Variants in KAZN observed in about 807,000 individuals in gnomAD.
The protein encoded by KAZN is kazrin, periplakin interacting protein.
In KAZN, 40 loss-of-function variants were observed where a neutral mutation model predicts 87.4. The observed-to-expected ratio is 0.46, with a 90% CI of 0.36 to 0.60. The LOEUF (loss-of-function observed/expected upper bound fraction) is 0.60, where lower values mean the gene tolerates loss of function less well. Ranked by LOEUF, KAZN falls within the 20% of genes least tolerant of loss-of-function variation. The pLI is 0.00. For synonymous variants in KAZN, 466 were observed against 458.3 expected (o/e 1.02, Z -0.22); for missense variants, 898 against 1,073.9 (o/e 0.84, Z 2.29).
intron 1 of KAZN, chr1:14,924,314 C>A: frequency 3.0e-6 from 3 of 985,778 alleles, no homozygotes; most frequent in Non-Finnish European, 3.6e-6. Flanking sequence ...CCGGCGCGCG[C>A]CGTCGGAGCC....
intron 2 of KAZN, among the ~76,000 whole-genome samples, chr1:14,425,368 C>A (rs1665663175): frequency 6.6e-6 from 1 of 152,176 alleles, no homozygotes; most frequent in Non-Finnish European, 1.5e-5. Flanking sequence ...CTTGCCACCC[C>A]AGAAGCCAGC....
intron 2 of KAZN, among the ~76,000 whole-genome samples, chr1:14,315,665 T>C (rs994040063): frequency 2.0e-5 from 3 of 152,216 alleles, no homozygotes; most frequent in Admixed American, 6.6e-5. Flanking sequence ...TGTCCTCTTT[T>C]GTGTTTGGAG....
chr1:14,237,921 A>G (rs967600927), intron 2 of KAZN, among the ~76,000 whole-genome samples: 2 of 152,218 alleles, frequency 1.3e-5, no homozygotes, highest in African/African-American at 4.8e-5. Context: ...TTCTTCTTCC[A>G]ATTTATAAAA....
At chr1:14,209,846 A>G (rs752204627) in intron 2 of KAZN, among the ~76,000 whole-genome samples, 7 of 152,160 alleles carry the variant, frequency 4.6e-5, no homozygotes, top group African/African-American at 7.2e-5. Context: ...GGACATCAGC[A>G]TACAGCCAGG....
rs575424062 is a variant in KAZN, at chr1:14,415,734, T to C, written c.250-183249T>C. 1.4e-3 allele frequency among the ~76,000 whole-genome samples: 218 copies of C among 152,280 alleles called. 3 individuals are homozygous for C. The highest frequency in any genetic ancestry group is 5.2e-3 in the African/African-American group (218 of 41,552). On this transcript the variant is annotated intron_variant, in intron 2 of 16. Coordinates refer to the KAZN transcript ENST00000636203. ...CCATGGCAGCAGGTGTAGTAGTAAG[T>C]AGGACATTTTGCCTTCCCTTCCCTT...
intron 10 of KAZN, among the ~76,000 whole-genome samples, chr1:15,100,812 G>T (rs1641025796): frequency 6.6e-6 from 1 of 152,262 alleles, no homozygotes; most frequent in Non-Finnish European, 1.5e-5. Context: ...GAGGACGGCA[G>T]CTTTGCCTTC....
At chr1:14,437,267 G>A (rs1324432134) in intron 2 of KAZN, among the ~76,000 whole-genome samples, 1 of 152,128 alleles carries the variant, frequency 6.6e-6, no homozygotes, top group Admixed American at 6.6e-5. Context: ...ACAGCTGGGG[G>A]CTCCAGCTCA....
chr1:14,728,422 C>G (rs189306594), intron 1 of KAZN, among the ~76,000 whole-genome samples: 1 of 152,022 alleles, frequency 6.6e-6, no homozygotes, highest in East Asian at 1.9e-4. Context: ...ACTCACCTGC[C>G]GCTCACCTCC....
chr1:14,315,911 T>C (rs189143213), intron 2 of KAZN, among the ~76,000 whole-genome samples: 2 of 152,094 alleles, frequency 1.3e-5, no homozygotes, highest in East Asian at 3.9e-4. Context: ...TTTGGGGGTA[T>C]ATAGTGCAAG....
intron 2 of KAZN, among the ~76,000 whole-genome samples, chr1:14,367,247 T>G (rs1425993759): frequency 6.6e-6 from 1 of 151,774 alleles, no homozygotes; most frequent in Non-Finnish European, 1.5e-5. Context: ...AGAAAAAGGC[T>G]CTCAGCGGGA....
intron 1 of KAZN, among the ~76,000 whole-genome samples, chr1:13,956,310 C>T (rs12744738): frequency 0.35 from 47,971 of 138,318 alleles, 8,327 homozygotes; most frequent in East Asian, 0.58. Context: ...TCTTTTTTTT[C>T]TTTTTTTTTT....
intron 1 of KAZN, among the ~76,000 whole-genome samples, chr1:14,858,492 C>T (rs1300196293): frequency 3.9e-5 from 6 of 152,124 alleles, no homozygotes; most frequent in African/African-American, 1.2e-4. Flanking sequence ...GGATTACAGG[C>T]GTGAGCCACC....
At position 14,769,429 on chromosome 1, in the gene KAZN, A is replaced by G. The variant is rs1644966012; in HGVS notation, c.226+170206A>G. Among the ~76,000 whole-genome samples, 1 of 152,050 alleles carries G rather than the reference A, an allele frequency of 6.6e-6. No individual in the cohort carries two copies. The highest frequency in any genetic ancestry group is 2.4e-5 in the African/African-American group (1 of 41,394). On this transcript the variant is annotated intron_variant, in intron 1 of 14. Coordinates refer to ENST00000376030, the MANE Select transcript of KAZN (RefSeq NM_201628.3). This position sits in a 1 kb window ranked among gnomAD's most constrained non-coding sequence, Gnocchi z 4.1. ...GAGTGCGACGGCGCTATCTTGGCTCACTGCAACCTCTGCCTCCCGGGTTCA... is the reference window on the plus strand; with the variant it reads ...GAGTGCGACGGCGCTATCTTGGCTCGCTGCAACCTCTGCCTCCCGGGTTCA...
intron 2 of KAZN, among the ~76,000 whole-genome samples, chr1:14,468,555 A>G (rs1007832588): frequency 2.6e-5 from 4 of 152,200 alleles, no homozygotes; most frequent in African/African-American, 9.6e-5. Context: ...TACCTACGTC[A>G]TATTGCACAT....
intron 1 of KAZN, among the ~76,000 whole-genome samples, chr1:14,141,013 G>C (rs1291262541): frequency 6.6e-6 from 1 of 152,102 alleles, no homozygotes; most frequent in Non-Finnish European, 1.5e-5. Flanking sequence ...GGCCCAACTA[G>C]GATGGTCCCT....
At chr1:14,074,023 C>A (rs1207384237) in intron 1 of KAZN, among the ~76,000 whole-genome samples, 9 of 152,246 alleles carry the variant, frequency 5.9e-5, no homozygotes, top group Admixed American at 2.0e-4. Flanking sequence ...TCCAGTCCGG[C>A]CCTCAGGCTG....
chr1:14,855,000 C>T (rs554166849), intron 1 of KAZN, among the ~76,000 whole-genome samples: 5 of 152,004 alleles, frequency 3.3e-5, no homozygotes, highest in East Asian at 1.9e-4. Context: ...GCTGTGGAGG[C>T]GGGCTGGAAG....
chr1:14,178,014 G>A (rs1313246550), intron 1 of KAZN, among the ~76,000 whole-genome samples: 1 of 152,072 alleles, frequency 6.6e-6, no homozygotes, highest in African/African-American at 2.4e-5. Context: ...GGACTCTGTG[G>A]GAGGTAATTT....
At chr1:14,415,336 A>C (rs1664661040) in intron 2 of KAZN, among the ~76,000 whole-genome samples, 1 of 152,184 alleles carries the variant, frequency 6.6e-6, no homozygotes, top group African/African-American at 2.4e-5. Context: ...TTGAAGATGG[A>C]GAAGTAGACA....
Sources: gnomAD v4.1 joint callset for allele counts (sites outside exome capture counted in the v4.1 genomes callset) on GRCh38, gnomAD v4.1.1 for gene constraint, Gnocchi (gnomAD v3.1) non-coding constraint, MANE v1.5 for transcripts, NCBI Gene and HGNC (gene_info 2026-07-23, HGNC 2026-07-21) for gene names.